C8orf34: variants seen among roughly 807,000 people sequenced by gnomAD.
The protein encoded by C8orf34 is chromosome 8 open reading frame 34, also known as uncharacterized protein C8orf34.
Under a neutral mutation model 68.3 loss-of-function variants are expected in C8orf34, and 65 were observed. The ratio of observed to expected loss-of-function variants is 0.95; its 90% confidence interval spans 0.78 to 1.17. The LOEUF is 1.17. Among genes scored for constraint, C8orf34 ranks in the 50% most tolerant of loss-of-function variants. C8orf34 has a pLI of 0.00. For synonymous variants in C8orf34, 244 were observed against 241.2 expected, an observed-to-expected ratio of 1.01 and a Z score of -0.11; for missense variants, 664 against 655.4, an observed-to-expected ratio of 1.01 and a Z score of -0.14.
At chr8:68,345,797 A>G (rs1471289510) in intron 1 of C8orf34, among the ~76,000 whole-genome samples, 1 of 152,038 alleles carries the variant, frequency 6.6e-6, no homozygotes, top group Non-Finnish European at 1.5e-5. Context: ...TGTATGTGTC[A>G]AGGTACAGAA....
intron 6 of C8orf34, chr8:68,525,493 T>C (rs1483338830): frequency 3.0e-6 from 2 of 662,400 alleles, no homozygotes; most frequent in Admixed American, 5.0e-5. Context: ...TGAGGCATTT[T>C]ATTTGTAAGT....
chr8:68,393,757 A>G (rs554229933), intron 1 of C8orf34, among the ~76,000 whole-genome samples: 78 of 152,280 alleles, frequency 5.1e-4, no homozygotes, highest in African/African-American at 1.8e-3. Context: ...TGAAGGTGAT[A>G]GCGAATCATT....
At chr8:68,514,304 C>T (rs1332596548) in intron 5 of C8orf34, among the ~76,000 whole-genome samples, 1 of 152,138 alleles carries the variant, frequency 6.6e-6, no homozygotes, top group African/African-American at 2.4e-5. Context: ...CCTCAGTGCT[C>T]AGGCTGGTTG....
chr8:68,343,055 C>A (rs1203467903), intron 1 of C8orf34, among the ~76,000 whole-genome samples: 1 of 152,036 alleles, frequency 6.6e-6, no homozygotes, highest in African/African-American at 2.4e-5. Context: ...GGAATGAATA[C>A]CTGCAAGATA....
chr8:68,432,924 T>C (rs761498303), intron 1 of C8orf34, among the ~76,000 whole-genome samples: 2 of 152,076 alleles, frequency 1.3e-5, no homozygotes, highest in African/African-American at 2.4e-5. Flanking sequence ...AAAAATAGAA[T>C]GAGAGAAAAG....
intron 2 of C8orf34, among the ~76,000 whole-genome samples, chr8:68,445,692 G>GT (rs1811091799): frequency 6.6e-6 from 1 of 152,148 alleles, no homozygotes; most frequent in African/African-American, 2.4e-5. Flanking sequence ...TTACTGAAAT[G>GT]TTTATTTTTA....
At chr8:68,616,333 C>G (rs1432409889) in intron 7 of C8orf34, among the ~76,000 whole-genome samples, 4 of 152,098 alleles carry the variant, frequency 2.6e-5, no homozygotes, top group Admixed American at 1.3e-4. Context: ...CTTCTGCTAG[C>G]TTTTGAATGT....
chr8:68,345,360 T>C (rs919994459), intron 1 of C8orf34, among the ~76,000 whole-genome samples: 6 of 151,948 alleles, frequency 3.9e-5, no homozygotes, highest in African/African-American at 1.4e-4. Context: ...AAGTACTCCA[T>C]GATATACTTT....
intron 6 of C8orf34, among the ~76,000 whole-genome samples, chr8:68,522,184 C>G (rs923750999): frequency 1.3e-5 from 2 of 152,070 alleles, no homozygotes; most frequent in African/African-American, 4.8e-5. Context: ...TTGTTTTCTT[C>G]AAATCTAGAT....
At chr8:68,675,210 CAAAA>C (rs1820145731) in intron 8 of C8orf34, among the ~76,000 whole-genome samples, 1 of 151,762 alleles carries the variant, frequency 6.6e-6, no homozygotes, top group South Asian at 2.1e-4. Flanking sequence ...AACAAACAAA[CAAAA>C]AATCTGAAGG....
intron 1 of C8orf34, among the ~76,000 whole-genome samples, chr8:68,421,975 A>G (rs1221066921): frequency 6.6e-6 from 1 of 152,134 alleles, no homozygotes; most frequent in Admixed American, 6.5e-5. Context: ...CTCATTCACT[A>G]TCATGAAAAC....
At chr8:68,516,646 A>ATTTATTTATTTATTTT (rs1814530211) in intron 5 of C8orf34, among the ~76,000 whole-genome samples, 2 of 151,356 alleles carry the variant, frequency 1.3e-5, no homozygotes, top group East Asian at 1.9e-4. Context: ...TTATTTATTT[A>ATTTATTTATTTATTTT]TTTTTTATTT....
chr8:68,790,084 C>G lies in C8orf34; in HGVS notation c.1549+2548C>G, dbSNP rs4475460. Among the ~76,000 whole-genome samples the G allele has an allele frequency of 2.7e-3, 413 of 152,258 alleles. 2 individuals carry two copies. The highest frequency in any genetic ancestry group is 9.5e-3 in the African/African-American group (394 of 41,566). ...TGCTAGTTAGCATTGTAGCCAAGCT[C>G]CCAGCACAGAGATGCAAATAAGAGT... On this transcript the variant is annotated intron_variant, in intron 12 of 13. Transcript: ENST00000518698.
intron 7 of C8orf34, among the ~76,000 whole-genome samples, chr8:68,613,296 A>C (rs111247649): frequency 0.014 from 2,110 of 151,878 alleles, 19 homozygotes; most frequent in Non-Finnish European, 0.021. Flanking sequence ...TTTTCTTTTT[A>C]TTTTATTTTA....
intron 8 of C8orf34, chr8:68,695,804 T>C (rs1319929872): frequency 1.3e-5 from 2 of 152,140 alleles, no homozygotes; most frequent in African/African-American, 2.4e-5. Context: ...TTGTACTTTT[T>C]TCTGTCATCT....
chr8:68,371,058 T>C (rs1807539146), intron 1 of C8orf34, among the ~76,000 whole-genome samples: 1 of 152,066 alleles, frequency 6.6e-6, no homozygotes, highest in Non-Finnish European at 1.5e-5. Flanking sequence ...ATCAGGGCCC[T>C]TGATCAAGGG....
rs549077656 is a variant in C8orf34 at position 68,428,026 on chromosome 8, T to C, written c.328-11473T>C. ...AGATTTTAAAAAATAAAAATCATAA[T>C]ATTCCCTAGAAAAAGTCAGATGTTC... On this transcript the variant is annotated intron_variant, in intron 1 of 13. Coordinates refer to ENST00000518698, the MANE Select transcript of C8orf34 (RefSeq NM_052958.4). Among the ~76,000 whole-genome samples the C allele has an allele frequency of 6.6e-5, 10 of 150,382 alleles. No individual in the cohort carries two copies. In the East Asian group the frequency reaches 1.9e-3, roughly 29 times the overall value.
chr8:68,465,802 G>A (rs1216754700), intron 3 of C8orf34, among the ~76,000 whole-genome samples: 1 of 151,768 alleles, frequency 6.6e-6, no homozygotes, highest in African/African-American at 2.4e-5. Flanking sequence ...GGCCTGTTGT[G>A]GGGTGGGGGC....
In C8orf34 at chr8:68,730,892, C is replaced by T. The variant is rs201550505; in HGVS notation, c.1404+9455C>T. Among the ~76,000 whole-genome samples the T allele has an allele frequency of 2.9e-4, 44 of 152,182 alleles. No homozygotes were observed. In the East Asian group the frequency reaches 6.0e-3, roughly 21 times the overall value. ...ATGAGTCTGTTCTGAACGTGATGAG[C>T]AGAAAGGAAACTATATTTTTACATT... On this transcript the variant is annotated intron_variant, in intron 10 of 13. Coordinates refer to ENST00000518698, the MANE Select transcript of C8orf34 (RefSeq NM_052958.4).
Sources: allele counts gnomAD v4.1 joint callset (sites outside exome capture counted in the v4.1 genomes callset), GRCh38; gene constraint gnomAD v4.1.1; transcripts MANE v1.5; gene names NCBI Gene and HGNC (gene_info 2026-07-23, HGNC 2026-07-21).